Variants in PNLDC1 observed in about 807,000 individuals in gnomAD.
The protein encoded by PNLDC1 is poly(A)-specific ribonuclease PNLDC1.
In PNLDC1, 70 loss-of-function variants were observed where a neutral mutation model predicts 82.0. The observed-to-expected ratio is 0.85, with a 90% CI of 0.70 to 1.04. The LOEUF is 1.04. Ranked by LOEUF, PNLDC1 falls within the 50% of genes least tolerant of loss-of-function variation. PNLDC1 has a pLI of 0.00. For synonymous variants in PNLDC1, 280 were observed against 249.3 expected, an observed-to-expected ratio of 1.12 and a Z score of -1.16; for missense variants, 631 against 661.1, an observed-to-expected ratio of 0.95 and a Z score of 0.50.
intron 18 of PNLDC1, 67 bp from the exon 19 acceptor site, chr6:159,820,387 A>T: frequency 6.7e-7 from 1 of 1,503,252 alleles, no homozygotes; most frequent in Non-Finnish European, 9.2e-7. Flanking sequence ...GAGGAGGGGC[A>T]AGCCTGTGTC....
At chr6:159,800,955 C>T in intron 2 of PNLDC1, 126 bp downstream of exon 2, 1 of 1,437,862 alleles carries the variant, frequency 7.0e-7, no homozygotes, top group Non-Finnish European at 9.6e-7. Context: ...TGTTGGAGGA[C>T]CTTGCTTTTT....
At chr6:159,820,049 ACAGCTCGGTG>A (rs1781984925) in intron 18 of PNLDC1, among the ~76,000 whole-genome samples, 1 of 152,204 alleles carries the variant, frequency 6.6e-6, no homozygotes, top group Non-Finnish European at 1.5e-5. Flanking sequence ...CAGCTGGGTC[ACAGCTCGGTG>A]CAGCCAGGGG....
At chr6:159,815,539 G>C (rs1043167374) in intron 12 of PNLDC1, among the ~76,000 whole-genome samples, 1 of 152,140 alleles carries the variant, frequency 6.6e-6, no homozygotes, top group Non-Finnish European at 1.5e-5. Context: ...AACTCCATTG[G>C]ATCATGTGGT....
intron 12 of PNLDC1, 75 bp downstream of exon 12, chr6:159,813,731 T>A: frequency 7.6e-7 from 1 of 1,317,504 alleles, no homozygotes; most frequent in South Asian, 1.2e-5. Flanking sequence ...GCCTTTGGGC[T>A]CTCTAGGCGT....
At chr6:159,804,765 G>T (rs913055363) in intron 6 of PNLDC1, 128 bp downstream of exon 6, 19 of 649,084 alleles carry the variant, frequency 2.9e-5, no homozygotes, top group Non-Finnish European at 4.5e-5. Flanking sequence ...GGCTTCAGCT[G>T]CCTGTGCAGC....
rs781732236 is a variant in PNLDC1, at chr6:159,818,659, G to A, written c.1257+5G>A. Reference sequence around the variant, plus strand: ...CGAGCGGGGGTCCCAAAGATCGTGAGTAGATCTCATTTGGCCCCCTCGCCC... The same window carrying A: ...CGAGCGGGGGTCCCAAAGATCGTGAATAGATCTCATTTGGCCCCCTCGCCC... On this transcript the variant is annotated splice_donor_5th_base_variant and intron_variant, in intron 16 of 18. Transcript: ENST00000392167. The A allele has an allele frequency of 6.2e-7, 1 of 1,611,822 alleles. No homozygotes were observed. The highest frequency in any genetic ancestry group is 8.5e-7 in the Non-Finnish European group (1 of 1,178,322).
At chr6:159,815,103 G>A (rs939677550) in intron 12 of PNLDC1, among the ~76,000 whole-genome samples, 2 of 152,250 alleles carry the variant, frequency 1.3e-5, no homozygotes, top group African/African-American at 4.8e-5. Flanking sequence ...CCAAGACCTA[G>A]AAGGGGTCAC....
Position 159,813,592 on chromosome 6 carries a change from T to C in PNLDC1, c.940-9T>C. On this transcript the variant is annotated splice_polypyrimidine_tract_variant and intron_variant, in intron 11 of 18. Coordinates refer to ENST00000392167, the MANE Select transcript of PNLDC1 (RefSeq NM_001271862.2). Reference sequence around the variant, plus strand: ...ATGTTTTCCTCTGGTTTGTTTTCCATGATTGTAGGAGATGAATTTCCCGAG... The same window carrying C: ...ATGTTTTCCTCTGGTTTGTTTTCCACGATTGTAGGAGATGAATTTCCCGAG... 1.2e-6 allele frequency: 2 copies of C among 1,609,486 alleles called. No individual in the cohort carries two copies. The highest frequency in any genetic ancestry group is 2.2e-5 in the East Asian group (1 of 44,868).
In PNLDC1 at chr6:159,810,572, T is replaced by C. The variant is rs150223602; in HGVS notation, c.853+477T>C. On this transcript the variant is annotated intron_variant, in intron 10 of 18. Coordinates refer to ENST00000392167, the MANE Select transcript of PNLDC1 (RefSeq NM_001271862.2). Reference sequence around the variant, plus strand: ...TGTCTTCTGGCTGTCCCCTACTGTTTCATGGTTGATTCCATTATTGGACAT... The same window carrying C: ...TGTCTTCTGGCTGTCCCCTACTGTTCCATGGTTGATTCCATTATTGGACAT... Among the ~76,000 whole-genome samples, 872 of 152,358 alleles carry C rather than the reference T, an allele frequency of 5.7e-3. 7 individuals are homozygous for C. The highest frequency in any genetic ancestry group is 0.02 in the African/African-American group (828 of 41,590).
At chr6:159,804,521 C>T (rs1447952273) in intron 5 of PNLDC1, 28 bp from the exon 6 acceptor site, 1 of 1,462,130 alleles carries the variant, frequency 6.8e-7, no homozygotes, top group Non-Finnish European at 9.6e-7. Flanking sequence ...TCTCCTTGTT[C>T]TGTTTGTTGT....
intron 10 of PNLDC1, 131 bp downstream of exon 10, chr6:159,810,226 G>A (rs1043736504): frequency 1.7e-5 from 13 of 786,568 alleles, no homozygotes; most frequent in African/African-American, 5.2e-5. Flanking sequence ...GGTTTCTGGA[G>A]AGTTTGGGCA....
In PNLDC1 at chr6:159,813,742, G is replaced by A. The variant is rs1781720637; in HGVS notation, c.995+86G>A. On this transcript the variant is annotated intron_variant, in intron 12 of 18. Transcript: ENST00000392167. ...GCAGGCCTTTGGGCTCTCTAGGCGT[G>A]CCCACCATTCACAGTGATGCCTGCT... 6 of 1,222,782 alleles carry A rather than the reference G, an allele frequency of 4.9e-6. 1 individual carries two copies. The South Asian group carries it at 6.1e-5, about 12-fold the overall frequency. 75.7% of individuals were successfully genotyped at this position (1,222,782 alleles called of 1,614,324 possible).
chr6:159,807,371 G>A (rs1487174338), intron 7 of PNLDC1, among the ~76,000 whole-genome samples: 2 of 150,466 alleles, frequency 1.3e-5, no homozygotes, highest in East Asian at 3.9e-4. Context: ...TCCAGCCTGA[G>A]CAACACAATG....
chr6:159,820,351 AC>A, intron 18 of PNLDC1, 102 bp from the exon 19 acceptor site: 1 of 1,092,862 alleles, frequency 9.2e-7, no homozygotes, highest in Admixed American at 1.8e-5. Context: ...GCAAGAAAGA[AC>A]ATCTGAGTGC....
intron 1 of PNLDC1, 187 bp downstream of exon 1, chr6:159,800,570 C>T (rs1160105439): frequency 7.0e-7 from 1 of 1,425,922 alleles, no homozygotes. Flanking sequence ...CCGAGCCCCA[C>T]GTCCCTTGTT....
intron 3 of PNLDC1, among the ~76,000 whole-genome samples, chr6:159,801,955 T>A (rs1275604649): frequency 2.0e-5 from 3 of 151,970 alleles, no homozygotes; most frequent in Admixed American, 6.5e-5. Context: ...TAGCGCGATG[T>A]GGGCTCACCG....
chr6:159,820,183 G>A (rs946388142), intron 18 of PNLDC1, among the ~76,000 whole-genome samples: 1 of 152,198 alleles, frequency 6.6e-6, no homozygotes, highest in African/African-American at 2.4e-5. Context: ...TGAGGTTCTG[G>A]CTTGCGGGTT....
At position 159,806,073 on chromosome 6, in the gene PNLDC1, T is replaced by G; in HGVS notation, c.552T>G (p.Pro184=). 1 of 1,613,696 alleles carries G rather than the reference T, an allele frequency of 6.2e-7. No individual in the cohort carries two copies. The highest frequency in any genetic ancestry group is 8.5e-7 in the Non-Finnish European group (1 of 1,179,626). ...LAKEGDWMTL[P]GITGFQAFEV... is the part of the protein sequence containing the mutation. ...AGGAAGGCGACTGGATGACTCTTCC[T>G]GGGATCACTGGTAGGCAGGGCCTGT... The change falls in exon 7 of 19, where the codon CCT becomes CCG. Residue 184 remains proline (P), a synonymous_variant. Transcript: ENST00000392167.
intron 11 of PNLDC1, 61 bp from the exon 12 acceptor site, chr6:159,813,540 T>C: frequency 6.7e-7 from 1 of 1,484,096 alleles, no homozygotes; most frequent in South Asian, 1.1e-5. Flanking sequence ...TGGTACTGCC[T>C]GAAACAGAGA....
Sources: allele counts gnomAD v4.1 joint callset (sites outside exome capture counted in the v4.1 genomes callset), GRCh38; gene constraint gnomAD v4.1.1; transcripts MANE v1.5; gene names NCBI Gene and HGNC (gene_info 2026-07-23, HGNC 2026-07-21).